Variants in ELAPOR2 observed in about 807,000 individuals in gnomAD.
ELAPOR2 encodes endosome-lysosome associated apoptosis and autophagy regulator family member 2.
In ELAPOR2, 89 loss-of-function variants were observed where a neutral mutation model predicts 120.7. The ratio of observed to expected loss-of-function variants is 0.74; its 90% CI spans 0.62 to 0.88. The LOEUF is 0.88. ELAPOR2 is among the 40% of genes least tolerant of loss of function. The probability of loss-of-function intolerance (pLI) is 0.00; values close to 1 mark genes in which losing one functional copy is unlikely to be tolerated. For missense variants in ELAPOR2, 1,134 were observed against 1,251.6 expected (o/e 0.91, Z 1.42); for synonymous variants, 444 against 444.9 (o/e 1.00, Z 0.03).
intron 1 of ELAPOR2, among the ~76,000 whole-genome samples, chr7:87,058,941 G>A (rs1795347650): frequency 6.6e-6 from 1 of 151,898 alleles, no homozygotes; most frequent in Admixed American, 6.6e-5. Flanking sequence ...GTCTGTGTCT[G>A]GCTCTCTGGA....
intron 2 of ELAPOR2, among the ~76,000 whole-genome samples, chr7:86,951,776 A>C (rs1021368904): frequency 1.6e-4 from 25 of 152,234 alleles, no homozygotes; most frequent in African/African-American, 5.1e-4. Context: ...AACCTTGTTT[A>C]AGTGTATTTC....
At chr7:86,995,832 A>T (rs1439794860) in intron 1 of ELAPOR2, among the ~76,000 whole-genome samples, 1 of 152,230 alleles carries the variant, frequency 6.6e-6, no homozygotes. Context: ...TTAAGTATAT[A>T]TTACTAGTTA....
intron 18 of ELAPOR2, among the ~76,000 whole-genome samples, chr7:86,897,942 A>G (rs1788521270): frequency 6.6e-6 from 1 of 152,146 alleles, no homozygotes; most frequent in Non-Finnish European, 1.5e-5. Context: ...GCAGTTCCTC[A>G]ACCAATTAAG....
intron 1 of ELAPOR2, among the ~76,000 whole-genome samples, chr7:87,008,284 C>G (rs1348172104): frequency 2.6e-5 from 4 of 152,138 alleles, no homozygotes; most frequent in Non-Finnish European, 5.9e-5. Flanking sequence ...CAGATCTATA[C>G]TTTTCAGAAG....
At chr7:87,039,987 C>A (rs1794716059) in intron 1 of ELAPOR2, among the ~76,000 whole-genome samples, 2 of 152,208 alleles carry the variant, frequency 1.3e-5, no homozygotes, top group South Asian at 4.1e-4. Flanking sequence ...AGTTCCCTTT[C>A]CTAGTCAAAG....
At chr7:86,908,234 A>G (rs1169489756) in intron 17 of ELAPOR2, among the ~76,000 whole-genome samples, 2 of 151,576 alleles carry the variant, frequency 1.3e-5, no homozygotes, top group Non-Finnish European at 1.5e-5. Context: ...CCTACTTTTT[A>G]CTATCCTTCA....
intron 18 of ELAPOR2, among the ~76,000 whole-genome samples, chr7:86,903,324 T>A (rs1023505865): frequency 2.4e-4 from 36 of 152,232 alleles, no homozygotes; most frequent in African/African-American, 8.4e-4. Context: ...TCATAATGCA[T>A]CTATATGCCT....
intron 1 of ELAPOR2, among the ~76,000 whole-genome samples, chr7:86,997,733 T>C (rs1474039071): frequency 6.6e-6 from 1 of 152,098 alleles, no homozygotes; most frequent in Non-Finnish European, 1.5e-5. Flanking sequence ...GGACCAAGGG[T>C]ATCTTTGGTT....
At chr7:86,937,355 A>G (rs963772796) in intron 8 of ELAPOR2, among the ~76,000 whole-genome samples, 15 of 152,110 alleles carry the variant, frequency 9.9e-5, no homozygotes, top group African/African-American at 3.4e-4. Flanking sequence ...CCTGACATCT[A>G]TATATGCTTT....
At chr7:86,897,420 A>G in intron 19 of ELAPOR2, 86 bp downstream of exon 19, 2 of 1,470,112 alleles carry the variant, frequency 1.4e-6, no homozygotes, top group Non-Finnish European at 1.8e-6. Flanking sequence ...AGCTTTTGCC[A>G]TACTTCTGGA....
chr7:86,971,718 C>G (rs117147679), intron 1 of ELAPOR2, among the ~76,000 whole-genome samples: 273 of 152,186 alleles, frequency 1.8e-3, no homozygotes, highest in Middle Eastern at 6.8e-3. Flanking sequence ...ACAATTATTT[C>G]TGGAAGATGA....
intron 13 of ELAPOR2, among the ~76,000 whole-genome samples, chr7:86,913,999 G>A (rs1254909834): frequency 6.6e-6 from 1 of 152,158 alleles, no homozygotes; most frequent in Non-Finnish European, 1.5e-5. Flanking sequence ...GGAATAACTG[G>A]AGTCAAGTAC....
intron 1 of ELAPOR2, among the ~76,000 whole-genome samples, chr7:86,970,837 T>C (rs1439791603): frequency 6.6e-6 from 1 of 152,202 alleles, no homozygotes; most frequent in East Asian, 1.9e-4. Context: ...TATTTCTTTT[T>C]AGAAATTATT....
chr7:86,985,809 C>T (rs2525532), intron 1 of ELAPOR2, among the ~76,000 whole-genome samples: 57,327 of 151,484 alleles, frequency 0.38, 11,698 homozygotes, highest in African/African-American at 0.53. Flanking sequence ...TAATGCTATC[C>T]CTCCCCCCTG....
At chr7:86,889,499 GACT>G (rs1788032183) in intron 21 of ELAPOR2, among the ~76,000 whole-genome samples, 1 of 150,782 alleles carries the variant, frequency 6.6e-6, no homozygotes, top group Admixed American at 6.6e-5. Context: ...TAATCAAAAT[GACT>G]ACTAAGTAAC....
intron 18 of ELAPOR2, among the ~76,000 whole-genome samples, chr7:86,898,231 C>T (rs1357881581): frequency 6.6e-6 from 1 of 152,038 alleles, no homozygotes; most frequent in African/African-American, 2.4e-5. Flanking sequence ...GTGAAAGAAA[C>T]CAGTCACAAA....
chr7:86,894,244 C>T (rs1019610573), intron 19 of ELAPOR2, among the ~76,000 whole-genome samples: 4 of 151,956 alleles, frequency 2.6e-5, no homozygotes, highest in Non-Finnish European at 4.4e-5. Flanking sequence ...ATAACTGAAA[C>T]GTGTTTCCTA....
intron 1 of ELAPOR2, among the ~76,000 whole-genome samples, chr7:87,053,561 A>G (rs1377377556): frequency 6.6e-6 from 1 of 152,092 alleles, no homozygotes; most frequent in Non-Finnish European, 1.5e-5. Context: ...TCTTCTTCTT[A>G]CCCCTTTAGC....
chr7:87,025,675 CT>C (rs1794219103), intron 1 of ELAPOR2, among the ~76,000 whole-genome samples: 2 of 152,046 alleles, frequency 1.3e-5, no homozygotes, highest in African/African-American at 4.8e-5. Context: ...TTAGATTATG[CT>C]TTTCAAGCTA....
Sources: allele counts gnomAD v4.1 joint callset (sites outside exome capture counted in the v4.1 genomes callset), GRCh38; gene constraint gnomAD v4.1.1; transcripts MANE v1.5; gene names NCBI Gene and HGNC (gene_info 2026-07-23, HGNC 2026-07-21).